SLC25A13: variants seen among roughly 807,000 people sequenced by gnomAD.
The protein encoded by SLC25A13 is electrogenic aspartate/glutamate antiporter SLC25A13, mitochondrial.
In SLC25A13, 70 loss-of-function variants were observed where a neutral mutation model predicts 85.5. That is an observed-to-expected ratio of 0.82 (90% confidence interval 0.68 to 1.00). The LOEUF is 1.00. Among genes scored for constraint, SLC25A13 ranks in the 50% least tolerant of loss-of-function variants. The pLI, the probability that SLC25A13 is intolerant of heterozygous loss-of-function variation, is 0.00. For synonymous variants in SLC25A13, 259 were observed against 288.7 expected (o/e 0.90, Z 1.04); for missense variants, 765 against 819.8 (o/e 0.93, Z 0.82).
intron 4 of SLC25A13, among the ~76,000 whole-genome samples, chr7:96,211,700 C>G (rs1459831803): frequency 6.6e-6 from 1 of 152,168 alleles, no homozygotes; most frequent in South Asian, 2.1e-4. Flanking sequence ...AGGTTTACAA[C>G]AGATAATGCA....
intron 13 of SLC25A13, among the ~76,000 whole-genome samples, chr7:96,167,178 A>G (rs1235313986): frequency 6.6e-6 from 1 of 152,236 alleles, no homozygotes; most frequent in Non-Finnish European, 1.5e-5. Context: ...CTAAACTAAA[A>G]CTAATCTCAA....
intron 3 of SLC25A13, among the ~76,000 whole-genome samples, chr7:96,249,627 A>G (rs1797334526): frequency 6.6e-6 from 1 of 152,192 alleles, no homozygotes; most frequent in Non-Finnish European, 1.5e-5. Flanking sequence ...ACCAAGTTCT[A>G]TGTCTAAAGG....
intron 1 of SLC25A13, among the ~76,000 whole-genome samples, chr7:96,317,790 AT>A (rs1273468689): frequency 7.1e-6 from 1 of 141,676 alleles, no homozygotes; most frequent in Non-Finnish European, 1.5e-5. Flanking sequence ...TTATTTTATT[AT>A]TTTATTTTAC....
At chr7:96,137,109 C>T (rs1436751327) in intron 14 of SLC25A13, among the ~76,000 whole-genome samples, 1 of 152,180 alleles carries the variant, frequency 6.6e-6, no homozygotes, top group Non-Finnish European at 1.5e-5. Context: ...AGATACACAG[C>T]TTGGCAGTGC....
At chr7:96,310,478 T>C (rs1466613688) in intron 1 of SLC25A13, among the ~76,000 whole-genome samples, 1 of 152,238 alleles carries the variant, frequency 6.6e-6, no homozygotes, top group Non-Finnish European at 1.5e-5. Flanking sequence ...TGCTAGTTTA[T>C]CCCATTTGCT....
At chr7:96,209,519 C>T (rs4530969) in intron 4 of SLC25A13, among the ~76,000 whole-genome samples, 80,711 of 151,952 alleles carry the variant, frequency 0.53, 22,791 homozygotes, top group Non-Finnish European at 0.62. Context: ...AAGTCCAACA[C>T]TTTATCGAGC....
At chr7:96,211,500 A>C (rs1407810402) in intron 4 of SLC25A13, among the ~76,000 whole-genome samples, 1 of 152,230 alleles carries the variant, frequency 6.6e-6, no homozygotes, top group Non-Finnish European at 1.5e-5. Context: ...ATTACATAGT[A>C]TGCATATGTA....
chr7:96,132,407 C>CCTTCTAA (rs1792073104), intron 14 of SLC25A13, among the ~76,000 whole-genome samples: 1 of 152,072 alleles, frequency 6.6e-6, no homozygotes, highest in Non-Finnish European at 1.5e-5. Flanking sequence ...GTTCATGGAT[C>CCTTCTAA]CTTCTAATTT....
chr7:96,200,355 A>G (rs1447534044), intron 5 of SLC25A13, among the ~76,000 whole-genome samples: 1 of 152,236 alleles, frequency 6.6e-6, no homozygotes, highest in Non-Finnish European at 1.5e-5. Context: ...ATCACATATC[A>G]GTACCTGTAT....
chr7:96,308,031 T>C (rs1015580272), intron 1 of SLC25A13, among the ~76,000 whole-genome samples: 2 of 151,810 alleles, frequency 1.3e-5, no homozygotes, highest in African/African-American at 4.8e-5. Flanking sequence ...CACATGCCTG[T>C]AATCCCGGCT....
At position 96,254,127 on chromosome 7, in the gene SLC25A13, A is replaced by G. The variant is rs564504125; in HGVS notation, c.213-19210T>C. Reference sequence around the variant, plus strand: ...TGTTACCTCGATAGCAACATGTGGTAGTCAGATTAAACATTATTTCTGAGT... The same window carrying G: ...TGTTACCTCGATAGCAACATGTGGTGGTCAGATTAAACATTATTTCTGAGT... On this transcript the variant is annotated intron_variant, in intron 3 of 17. Coordinates refer to ENST00000265631, the MANE Select transcript of SLC25A13 (RefSeq NM_014251.3). Among the ~76,000 whole-genome samples, 11 of 152,316 alleles carry G rather than the reference A, an allele frequency of 7.2e-5. No homozygotes were observed. In the South Asian group the frequency reaches 2.3e-3, roughly 32 times the overall value.
intron 2 of SLC25A13, among the ~76,000 whole-genome samples, chr7:96,288,456 C>G (rs935240511): frequency 6.6e-6 from 1 of 152,144 alleles, no homozygotes; most frequent in Non-Finnish European, 1.5e-5. Flanking sequence ...AAGTGTGAGC[C>G]GAAGCAGGGC....
At chr7:96,286,213 A>G (rs1200953611) in intron 2 of SLC25A13, among the ~76,000 whole-genome samples, 2 of 149,664 alleles carry the variant, frequency 1.3e-5, no homozygotes, top group East Asian at 4.0e-4. Flanking sequence ...GAACCTGGGG[A>G]GGCAGAGCTT....
chr7:96,150,523 ACT>A (rs1220511802), intron 13 of SLC25A13, among the ~76,000 whole-genome samples: 6 of 152,136 alleles, frequency 3.9e-5, no homozygotes, highest in African/African-American at 1.2e-4. Context: ...TGAAGTCCTA[ACT>A]CTCAAATATT....
At position 96,120,316 on chromosome 7, in the gene SLC25A13, T is replaced by C. The variant is rs1791447031; in HGVS notation, c.*875A>G. On this transcript the variant is annotated 3_prime_UTR_variant, in exon 18 of 18. Coordinates refer to ENST00000265631, the MANE Select transcript of SLC25A13 (RefSeq NM_014251.3). ...ATTAAATACTTATGTCAGAACATAT[T>C]TGTCTTACATTATTCAAGATAAAGT... is the stretch of plus-strand genomic sequence containing the variant. 1 of 454,098 alleles carries C rather than the reference T, an allele frequency of 2.2e-6. No homozygotes were observed. Among genetic ancestry groups the C allele is most frequent in the Non-Finnish European group, 4.4e-6 (1 of 226,778 alleles). The allele number at this position is 454,098 out of a possible 1,614,324, so 28.1% of individuals were successfully genotyped here.
intron 2 of SLC25A13, among the ~76,000 whole-genome samples, chr7:96,287,989 A>ACCTTCTCT (rs1798954948): frequency 6.6e-6 from 1 of 152,178 alleles, no homozygotes; most frequent in South Asian, 2.1e-4. Flanking sequence ...ACATACGAAG[A>ACCTTCTCT]CCTTCTCTGG....
intron 14 of SLC25A13, among the ~76,000 whole-genome samples, chr7:96,133,823 G>A (rs907306146): frequency 6.6e-6 from 1 of 151,946 alleles, no homozygotes; most frequent in African/African-American, 2.4e-5. Flanking sequence ...TCGGGAGACT[G>A]AGGCAGAAGA....
intron 3 of SLC25A13, among the ~76,000 whole-genome samples, chr7:96,253,763 G>A (rs1013827051): frequency 4.6e-5 from 7 of 152,144 alleles, no homozygotes; most frequent in Non-Finnish European, 8.8e-5. Flanking sequence ...TCATCATTAG[G>A]GTTTGTCCAT....
At chr7:96,192,401 G>T (rs1273347633) in intron 6 of SLC25A13, among the ~76,000 whole-genome samples, 1 of 152,196 alleles carries the variant, frequency 6.6e-6, no homozygotes, top group Admixed American at 6.5e-5. Flanking sequence ...AGGCCTAGAA[G>T]AGATCTCAGA....
Sources: gnomAD v4.1 joint callset for allele counts (sites outside exome capture counted in the v4.1 genomes callset) on GRCh38, gnomAD v4.1.1 for gene constraint, MANE v1.5 for transcripts, NCBI Gene and HGNC (gene_info 2026-07-23, HGNC 2026-07-21) for gene names.